CACNA1C: variants seen among roughly 807,000 people sequenced by gnomAD.
The protein encoded by CACNA1C is calcium voltage-gated channel subunit alpha1 C, also known as voltage-dependent L-type calcium channel subunit alpha-1C.
A neutral mutation model predicts 229.0 loss-of-function variants in CACNA1C; 30 were observed. The observed-to-expected ratio is 0.13, with a 90% CI of 0.10 to 0.18. The LOEUF (loss-of-function observed/expected upper bound fraction) is 0.18. CACNA1C is among the 10% of genes least tolerant of loss of function. CACNA1C has a pLI of 1.00. For missense variants in CACNA1C, 1,658 were observed against 2,845.0 expected (o/e 0.58, Z 9.49); for synonymous variants, 1,114 against 1,132.5 (o/e 0.98, Z 0.33).
chr12:2,433,929 T>C (rs143163732), intron 3 of CACNA1C, among the ~76,000 whole-genome samples: 1,684 of 152,284 alleles, frequency 0.011, 41 homozygotes, highest in African/African-American at 0.039. Flanking sequence ...GTTACCCTTA[T>C]CATAGCAAGC....
chr12:2,565,203 T>C (rs535930305), intron 11 of CACNA1C, among the ~76,000 whole-genome samples: 217 of 151,288 alleles, frequency 1.4e-3, no homozygotes, highest in East Asian at 4.1e-3. Flanking sequence ...GCGCGGTGGC[T>C]CACGCCTGTA....
At chr12:2,391,773 T>G (rs1165206264) in intron 3 of CACNA1C, among the ~76,000 whole-genome samples, 3 of 152,254 alleles carry the variant, frequency 2.0e-5, no homozygotes, top group Non-Finnish European at 4.4e-5. Flanking sequence ...ACACCCACTC[T>G]GTTTGCCCTC....
At chr12:2,104,254 C>G (rs2077401724) in intron 1 of CACNA1C, among the ~76,000 whole-genome samples, 1 of 152,138 alleles carries the variant, frequency 6.6e-6, no homozygotes, top group African/African-American at 2.4e-5. Context: ...TTTCCTTGAA[C>G]AGTGGTTTGT....
At chr12:2,417,666 G>A (rs2098927528) in intron 3 of CACNA1C, among the ~76,000 whole-genome samples, 1 of 152,128 alleles carries the variant, frequency 6.6e-6, no homozygotes, top group African/African-American at 2.4e-5. Context: ...CTGTGCTAAT[G>A]TATCATCCCT....
intron 9 of CACNA1C, among the ~76,000 whole-genome samples, chr12:2,533,507 C>G (rs2099845844): frequency 6.6e-6 from 1 of 152,218 alleles, no homozygotes; most frequent in Non-Finnish European, 1.5e-5. Flanking sequence ...CCAGTCTTTC[C>G]AGGGTGCTTC....
intron 1 of CACNA1C, among the ~76,000 whole-genome samples, chr12:2,009,465 C>T (rs1565912693): frequency 1.3e-5 from 2 of 152,180 alleles, no homozygotes; most frequent in African/African-American, 2.4e-5. Context: ...AATACACAGT[C>T]TGCTTTATTA....
intron 9 of CACNA1C, among the ~76,000 whole-genome samples, chr12:2,521,920 CT>C (rs1190412195): frequency 6.6e-6 from 1 of 152,180 alleles, no homozygotes; most frequent in Non-Finnish European, 1.5e-5. Flanking sequence ...GCCTGAACAT[CT>C]CTCAGTATTT....
chr12:2,593,326 A>G lies in CACNA1C; in HGVS notation c.2644A>G (p.Ile882Val), dbSNP rs1219773499. The G allele has an allele frequency of 1.9e-6, 3 of 1,613,752 alleles. No homozygotes were observed. Among genetic ancestry groups the G allele is most frequent in the African/African-American group, 2.7e-5 (2 of 74,938 alleles). ...CATGCCAGAAGCCAGCGCGTTTTTC[A>G]TCTTCAGCTCTAACAACAGGTGTGC... ...VPMPEASAFF[I>V]FSSNNRFRLQ... Residue 882 changes from isoleucine (I) to valine (V), a missense_variant, in exon 19 of 47, where the codon ATC becomes GTC. Ile to Val is a conservative substitution (Grantham distance 29). Coordinates refer to ENST00000399655, the MANE Select transcript of CACNA1C (RefSeq NM_000719.7).
chr12:2,341,775 C>T (rs975613606), intron 3 of CACNA1C, among the ~76,000 whole-genome samples: 1 of 152,174 alleles, frequency 6.6e-6, no homozygotes, highest in African/African-American at 2.4e-5. Context: ...GGGTAACTGA[C>T]TGGTTGATAA....
At chr12:2,343,362 A>G (rs1459146930) in intron 3 of CACNA1C, among the ~76,000 whole-genome samples, 1 of 152,180 alleles carries the variant, frequency 6.6e-6, no homozygotes, top group East Asian at 1.9e-4. Context: ...TCTGAAGTGT[A>G]AGCAAGGAGG....
chr12:2,570,279 CTTCAG>C (rs1320091837), intron 13 of CACNA1C, among the ~76,000 whole-genome samples: 1 of 152,108 alleles, frequency 6.6e-6, no homozygotes, highest in Non-Finnish European at 1.5e-5. Context: ...AGGTTGGTGT[CTTCAG>C]TTCAGGATCT....
At chr12:2,224,192 T>C (rs1177504240) in intron 3 of CACNA1C, among the ~76,000 whole-genome samples, 2 of 152,216 alleles carry the variant, frequency 1.3e-5, no homozygotes, top group Non-Finnish European at 2.9e-5. Flanking sequence ...ATTCCACTTC[T>C]TAATGATATC....
chr12:2,153,974 G>A (rs1340271798), intron 3 of CACNA1C, among the ~76,000 whole-genome samples: 1 of 152,162 alleles, frequency 6.6e-6, no homozygotes, highest in African/African-American at 2.4e-5. Context: ...TCTGCACTCT[G>A]TTCCCTTTCT....
chr12:2,009,222 T>G (rs1043392692), intron 1 of CACNA1C, among the ~76,000 whole-genome samples: 1 of 152,242 alleles, frequency 6.6e-6, no homozygotes, highest in African/African-American at 2.4e-5. Flanking sequence ...TACTGCAATT[T>G]AAAACAAGTT....
rs945968812 is a variant in CACNA1C at position 2,551,557 on chromosome 12, A to G, written c.1481+1524A>G. On this transcript the variant is annotated intron_variant, in intron 10 of 46. Coordinates refer to ENST00000399655, the MANE Select transcript of CACNA1C (RefSeq NM_000719.7). Reference sequence around the variant, plus strand: ...CCTACCTCCCACCCCGCCCCAGACAATGATGAGCCAAGACTGCCAGCATTC... The same window carrying G: ...CCTACCTCCCACCCCGCCCCAGACAGTGATGAGCCAAGACTGCCAGCATTC... 2.0e-5 allele frequency among the ~76,000 whole-genome samples: 3 copies of G among 152,278 alleles called. 1 individual carries two copies.
At chr12:2,365,843 G>T (rs1481103031) in intron 3 of CACNA1C, among the ~76,000 whole-genome samples, 1 of 152,156 alleles carries the variant, frequency 6.6e-6, no homozygotes, top group Non-Finnish European at 1.5e-5. Flanking sequence ...CCTACCAGTG[G>T]GAATGGGTGA....
At chr12:2,398,545 G>C (rs1198912754) in intron 3 of CACNA1C, among the ~76,000 whole-genome samples, 2 of 152,144 alleles carry the variant, frequency 1.3e-5, no homozygotes, top group Non-Finnish European at 2.9e-5. Flanking sequence ...TCTGAAAGCT[G>C]GACAGCTGGG....
chr12:1,993,486 T>C lies in CACNA1C; in HGVS notation c.139+22285T>C, dbSNP rs994722533. 25 of 1,473,424 alleles carry C rather than the reference T, an allele frequency of 1.7e-5. 1 individual carries two copies. The South Asian group carries it at 3.1e-4, about 18-fold the overall frequency. 91.3% of individuals were successfully genotyped at this position (1,473,424 alleles called of 1,614,324 possible). On this transcript the variant is annotated intron_variant, in intron 1 of 46. Transcript: ENST00000682462. ...GTACATTCTGATGTGTCTCTCAACC[T>C]TTGTTTGTATATGCAGCTTTATATA...
intron 3 of CACNA1C, among the ~76,000 whole-genome samples, chr12:2,216,839 G>C (rs1233402152): frequency 6.6e-6 from 1 of 152,078 alleles, no homozygotes; most frequent in Non-Finnish European, 1.5e-5. Flanking sequence ...AGAATTTGCT[G>C]TTTTCCAGGC....
Sources: allele counts gnomAD v4.1 joint callset (sites outside exome capture counted in the v4.1 genomes callset), GRCh38; gene constraint gnomAD v4.1.1; transcripts MANE v1.5; gene names NCBI Gene and HGNC (gene_info 2026-07-23, HGNC 2026-07-21).